PLA2R1: variants seen among roughly 807,000 people sequenced by gnomAD.
PLA2R1 encodes secretory phospholipase A2 receptor.
PLA2R1 carries 158 observed loss-of-function variants against 195.9 expected under a neutral mutation model. The observed-to-expected ratio is 0.81, with a 90% confidence interval of 0.71 to 0.92. The LOEUF (loss-of-function observed/expected upper bound fraction) is 0.92. Ranked by LOEUF, PLA2R1 falls within the 40% of genes least tolerant of loss-of-function variation. The pLI is 0.00. For synonymous variants in PLA2R1, 586 were observed against 598.2 expected (o/e 0.98, Z 0.30); for missense variants, 1,626 against 1,764.6 (o/e 0.92, Z 1.41).
chr2:160,001,346 T>C (rs1691581645), intron 11 of PLA2R1, among the ~76,000 whole-genome samples: 1 of 150,488 alleles, frequency 6.6e-6, no homozygotes, highest in Non-Finnish European at 1.5e-5. Context: ...AAGAATGAAA[T>C]GAGAAAAGAA....
At chr2:160,042,344 T>C in intron 2 of PLA2R1, 146 bp from the exon 3 acceptor site, 2 of 613,586 alleles carry the variant, frequency 3.3e-6, no homozygotes, top group South Asian at 2.1e-5. Flanking sequence ...AGGTCCTCAC[T>C]GTCTCCTGTC....
Position 159,938,931 on chromosome 2 carries a change from T to C in PLA2R1, c.*2847A>G, listed in dbSNP as rs1167618150. 3 of 152,184 alleles carry C rather than the reference T, an allele frequency of 2.0e-5. No homozygotes were observed. The highest frequency in any genetic ancestry group is 2.9e-5 in the Non-Finnish European group (2 of 68,028). 9.4% of individuals were successfully genotyped at this position (152,184 alleles called of 1,614,324 possible). A position where few individuals can be genotyped will look rare whatever the true frequency, so the allele number is the denominator to read the frequency against. On this transcript the variant is annotated 3_prime_UTR_variant, in exon 30 of 30. Coordinates refer to ENST00000283243, the MANE Select transcript of PLA2R1 (RefSeq NM_007366.5). The stretch of plus-strand genomic sequence containing the variant: ...TGTAAGAGCCCAATATATTGTTAAA[T>C]GGAAAAACCCAGGCATTTCCATTAC...
chr2:159,967,468 C>T, intron 20 of PLA2R1, 71 bp downstream of exon 20: 1 of 1,393,492 alleles, frequency 7.2e-7, no homozygotes, highest in South Asian at 1.4e-5. Flanking sequence ...GCCACTTTCA[C>T]TTTTTGAACA....
intron 8 of PLA2R1, 129 bp from the exon 9 acceptor site, chr2:160,016,841 T>G: frequency 1.6e-6 from 1 of 607,668 alleles, no homozygotes; most frequent in Non-Finnish European, 3.0e-6. Context: ...GGCGGCACTC[T>G]GCTTTGTCAC....
intron 27 of PLA2R1, among the ~76,000 whole-genome samples, chr2:159,945,351 C>T (rs1687321027): frequency 6.6e-6 from 1 of 150,420 alleles, no homozygotes; most frequent in East Asian, 1.9e-4. Context: ...CTCCCTCCTC[C>T]CCCCACCCCA....
chr2:160,006,407 A>C (rs1691989863), intron 10 of PLA2R1, among the ~76,000 whole-genome samples: 1 of 152,220 alleles, frequency 6.6e-6, no homozygotes, highest in Non-Finnish European at 1.5e-5. Flanking sequence ...TTAAATCTGC[A>C]TGTTCACTGA....
At chr2:159,991,694 A>T (rs1690812994) in intron 11 of PLA2R1, among the ~76,000 whole-genome samples, 2 of 140,746 alleles carry the variant, frequency 1.4e-5, no homozygotes, top group African/African-American at 5.2e-5. Flanking sequence ...ATTCCCACCT[A>T]TGAGTGAGAA....
At chr2:160,034,282 A>C (rs866397320) in intron 3 of PLA2R1, among the ~76,000 whole-genome samples, 1 of 152,190 alleles carries the variant, frequency 6.6e-6, no homozygotes, top group Non-Finnish European at 1.5e-5. Flanking sequence ...GTTTTAAATC[A>C]CATATAAATC....
At position 159,949,621 on chromosome 2, in the gene PLA2R1, A is replaced by T; in HGVS notation, c.3696T>A (p.Cys1232Ter). The T allele has an allele frequency of 6.2e-7, 1 of 1,613,734 alleles. No individual in the cohort carries two copies. The highest frequency in any genetic ancestry group is 8.5e-7 in the Non-Finnish European group (1 of 1,179,658). The change falls in exon 25 of 30, where the codon TGT (cysteine) becomes TGA (stop). Residue 1232 changes from cysteine (C) to a stop codon, truncating the protein, a stop_gained. Coordinates refer to ENST00000283243, the MANE Select transcript of PLA2R1 (RefSeq NM_007366.5). LOFTEE classifies it high-confidence loss of function. ...AATTGAACCTACCAGGTGGCACATG[A>T]CAAATGGCACCTTGCAGAAATGACT... ...ACESFLQGAICHVPPETRQSE... is the reference protein window; with the variant it reads ...ACESFLQGAI
chr2:159,930,784 G>A (rs2125899011), downstream of PLA2R1, among the ~76,000 whole-genome samples: 1 of 152,276 alleles, frequency 6.6e-6, no homozygotes, highest in South Asian at 2.1e-4. Flanking sequence ...GGCTTTGGAA[G>A]TGCAAGTCCC....
intron 11 of PLA2R1, among the ~76,000 whole-genome samples, chr2:159,992,907 G>A (rs900026758): frequency 2.6e-5 from 4 of 152,046 alleles, no homozygotes; most frequent in Non-Finnish European, 4.4e-5. Flanking sequence ...AACACGCCAG[G>A]GGTATCTAGG....
rs1692489443 is a variant in PLA2R1, at chr2:160,013,305, C to A, written c.1622G>T (p.Ser541Ile). 3.1e-6 allele frequency: 5 copies of A among 1,610,832 alleles called. No individual in the cohort carries two copies. The highest frequency in any genetic ancestry group is 3.4e-6 in the Non-Finnish European group (4 of 1,177,312). Reference sequence around the variant, plus strand: ...AAGTGCAGGAGGACAGTAATAACCGCTGGAAGCTTGGTCAAAGCTTCGAAG... The same window carrying A: ...AAGTGCAGGAGGACAGTAATAACCGATGGAAGCTTGGTCAAAGCTTCGAAG... ...TVLRSFDQAS[S>I]GYYCPPALVT... Residue 541 changes from serine to isoleucine, a missense_variant, in exon 10 of 30, where the codon AGC (serine) becomes ATC (isoleucine). Transcript: ENST00000283243.
intron 8 of PLA2R1, among the ~76,000 whole-genome samples, chr2:160,018,497 T>C (rs1311500573): frequency 2.0e-5 from 3 of 152,178 alleles, no homozygotes; most frequent in African/African-American, 7.2e-5. Context: ...CCAGGCATGC[T>C]GGTGCAAGCC....
intron 1 of PLA2R1, among the ~76,000 whole-genome samples, chr2:160,045,689 T>C (rs1694814649): frequency 6.6e-6 from 1 of 152,152 alleles, no homozygotes; most frequent in African/African-American, 2.4e-5. Context: ...TGATACGGGA[T>C]TCAATACTGG....
At chr2:159,985,270 T>C (rs1329856703) in intron 12 of PLA2R1, among the ~76,000 whole-genome samples, 1 of 152,234 alleles carries the variant, frequency 6.6e-6, no homozygotes, top group Non-Finnish European at 1.5e-5. Context: ...ATTATACATG[T>C]GTACAATTTA....
chr2:159,938,603 C>G lies in PLA2R1; in HGVS notation c.*3175G>C, dbSNP rs541260969. On this transcript the variant is annotated 3_prime_UTR_variant, in exon 30 of 30. Transcript: ENST00000283243. ...CAGAATGAGGCCAAATCAAAGAGAA[C>G]AGACTACAGATTAAAGCAACTGCAG... The G allele has an allele frequency of 6.6e-5, 10 of 152,494 alleles. No homozygotes were observed. The highest frequency in any genetic ancestry group is 2.4e-4 in the African/African-American group (10 of 41,562). 9.4% of individuals were successfully genotyped at this position (152,494 alleles called of 1,614,324 possible).
Position 160,045,051 on chromosome 2 carries a change from C to T in PLA2R1, c.216G>A (p.Leu72=), listed in dbSNP as rs1334199680. Residue 72 remains leucine (L), a synonymous_variant, in exon 2 of 30, where the codon CTG becomes CTA. Transcript: ENST00000283243. ...ENCKQANKHM[L]WKWVSNHGLF... ...GGCCATGGTTTGAAACCCATTTCCA[C>T]AGCATGTGCTTGTTTGCTTGCTTGC... 1 of 1,614,220 alleles carries T rather than the reference C, an allele frequency of 6.2e-7. No individual in the cohort carries two copies. The highest frequency in any genetic ancestry group is 1.7e-5 in the Admixed American group (1 of 60,032).
chr2:159,979,071 A>T lies in PLA2R1; in HGVS notation c.2268+759T>A, dbSNP rs183135853. On this transcript the variant is annotated intron_variant, in intron 14 of 29. Transcript: ENST00000283243. The stretch of plus-strand genomic sequence containing the variant: ...GCTCAGCGCTTGGAACAGTATAAGG[A>T]CTCAATAAACAGCAGTTGCATTAAA... Among the ~76,000 whole-genome samples the T allele has an allele frequency of 6.7e-3, 1,025 of 152,252 alleles. 7 individuals carry two copies. The highest frequency in any genetic ancestry group is 9.8e-3 in the Non-Finnish European group (664 of 68,008).
intron 11 of PLA2R1, among the ~76,000 whole-genome samples, chr2:159,995,309 A>T (rs544005308): frequency 6.6e-6 from 1 of 152,224 alleles, no homozygotes; most frequent in East Asian, 1.9e-4. Context: ...GGGAAAAGAG[A>T]AAAAGAGCAG....
Sources: allele counts gnomAD v4.1 joint callset (sites outside exome capture counted in the v4.1 genomes callset), GRCh38; gene constraint gnomAD v4.1.1; transcripts MANE v1.5; gene names NCBI Gene and HGNC (gene_info 2026-07-23, HGNC 2026-07-21).